Variants in RAB27A observed in about 807,000 individuals in gnomAD.
The protein encoded by RAB27A is ras-related protein Rab-27A.
Under a neutral mutation model 20.8 loss-of-function variants are expected in RAB27A, and 17 were observed. The observed-to-expected ratio is 0.82, with a 90% CI of 0.56 to 1.23. The LOEUF is 1.23. Among genes scored for constraint, RAB27A ranks in the 50% most tolerant of loss-of-function variants. RAB27A has a pLI of 0.00. For synonymous variants in RAB27A, 85 were observed against 92.8 expected, an observed-to-expected ratio of 0.92 and a Z score of 0.48; for missense variants, 277 against 266.7, an observed-to-expected ratio of 1.04 and a Z score of -0.27.
At chr15:55,290,359 G>C (rs1044446464), upstream of RAB27A, 1 of 152,236 alleles carries the variant, frequency 6.6e-6, no homozygotes, top group Non-Finnish European at 1.5e-5. Context: ...GGTCGGCCTG[G>C]ACACGGCGTT....
chr15:55,228,907 G>A (rs936256626), intron 4 of RAB27A, among the ~76,000 whole-genome samples, 195 bp from the exon 5 acceptor site: 4 of 152,144 alleles, frequency 2.6e-5, no homozygotes, highest in African/African-American at 7.2e-5. Flanking sequence ...TTTGAAAACC[G>A]AGGCTGCTGG....
intron 2 of RAB27A, among the ~76,000 whole-genome samples, chr15:55,300,186 TACTC>T (rs1440180227): frequency 6.6e-6 from 1 of 152,290 alleles, no homozygotes; most frequent in South Asian, 2.1e-4. Context: ...AGGAATGAAA[TACTC>T]AGGAACAAAA....
intron 2 of RAB27A, among the ~76,000 whole-genome samples, chr15:55,304,994 C>T (rs531856321): frequency 9.7e-4 from 148 of 152,312 alleles, no homozygotes; most frequent in African/African-American, 3.4e-3. Flanking sequence ...CAATCATTGT[C>T]CTTCCCACTG....
At chr15:55,305,787 G>A (rs550313849) in intron 2 of RAB27A, among the ~76,000 whole-genome samples, 11 of 152,204 alleles carry the variant, frequency 7.2e-5, no homozygotes, top group African/African-American at 1.4e-4. Context: ...GATCTTGCTC[G>A]GTGACCAGGG....
intron 2 of RAB27A, among the ~76,000 whole-genome samples, chr15:55,312,203 G>A (rs559532379): frequency 6.6e-6 from 1 of 152,308 alleles, no homozygotes; most frequent in Non-Finnish European, 1.5e-5. Context: ...TGCTGGATCC[G>A]GAGGGATGGA....
At chr15:55,258,066 CAA>C (rs553999609) in intron 2 of RAB27A, among the ~76,000 whole-genome samples, 9 of 61,964 alleles carry the variant, frequency 1.5e-4, no homozygotes, top group Admixed American at 3.2e-4. Flanking sequence ...GACTCAGTCT[CAA>C]AAAAAAAAAA....
chr15:55,228,472 AAAAACCTTG>A, intron 5 of RAB27A, 128 bp downstream of exon 5: 1 of 718,120 alleles, frequency 1.4e-6, no homozygotes, highest in Non-Finnish European at 2.4e-6. Flanking sequence ...TCCCTAAACT[AAAAACCTTG>A]CTCCTTAAAA....
At chr15:55,230,581 A>C in intron 3 of RAB27A, 95 bp from the exon 4 acceptor site, 1 of 964,584 alleles carries the variant, frequency 1.0e-6, no homozygotes, top group Non-Finnish European at 1.6e-6. Flanking sequence ...AAAGGCATCT[A>C]AAATTCCAAA....
chr15:55,214,179 G>A (rs1322933973), intron 6 of RAB27A, among the ~76,000 whole-genome samples: 1 of 152,228 alleles, frequency 6.6e-6, no homozygotes, highest in Non-Finnish European at 1.5e-5. Context: ...GCTGATGCCT[G>A]TAATCCCAGC....
intron 2 of RAB27A, chr15:55,237,222 C>A (rs546922485): frequency 6.6e-6 from 1 of 152,122 alleles, no homozygotes; most frequent in Non-Finnish European, 1.5e-5. Flanking sequence ...AGGACTATTT[C>A]TATATATCCA....
At chr15:55,222,523 G>C (rs1041522226) in intron 6 of RAB27A, among the ~76,000 whole-genome samples, 12 of 152,136 alleles carry the variant, frequency 7.9e-5, no homozygotes, top group Admixed American at 7.2e-4. Context: ...AAGGCTTTCA[G>C]CAACTCCCTG....
chr15:55,315,764 G>GT (rs2141148411), intron 1 of RAB27A, among the ~76,000 whole-genome samples: 1 of 152,314 alleles, frequency 6.6e-6, no homozygotes, highest in African/African-American at 2.4e-5. Context: ...ACAGATGCTG[G>GT]TGAGGCTGTG....
intron 2 of RAB27A, among the ~76,000 whole-genome samples, chr15:55,244,355 A>G (rs1896608692): frequency 6.6e-6 from 1 of 151,992 alleles, no homozygotes; most frequent in Admixed American, 6.6e-5. Context: ...AAAAAAACAC[A>G]TAAAGCTCAG....
At chr15:55,257,790 C>T (rs4774757) in intron 2 of RAB27A, among the ~76,000 whole-genome samples, 160 of 152,088 alleles carry the variant, frequency 1.1e-3, no homozygotes, top group South Asian at 8.3e-3. Flanking sequence ...GTCAAGAGAT[C>T]GAGACCAGCC....
chr15:55,216,373 A>T (rs184697163), intron 6 of RAB27A, among the ~76,000 whole-genome samples: 45 of 152,202 alleles, frequency 3.0e-4, no homozygotes, highest in African/African-American at 1.1e-3. Context: ...TCTCTACTAA[A>T]AACACAAAAA....
intron 5 of RAB27A, among the ~76,000 whole-genome samples, chr15:55,226,507 A>T (rs1257456975): frequency 2.2e-5 from 3 of 135,174 alleles, no homozygotes; most frequent in Admixed American, 1.5e-4. Flanking sequence ...ATTTTTATGT[A>T]TTTGTGTGTG....
chr15:55,243,645 T>C (rs1896578992), intron 2 of RAB27A, among the ~76,000 whole-genome samples: 3 of 151,848 alleles, frequency 2.0e-5, no homozygotes, highest in Non-Finnish European at 4.4e-5. Context: ...AAAAACATTA[T>C]TTTCTCTGAC....
intron 2 of RAB27A, among the ~76,000 whole-genome samples, chr15:55,312,633 G>A (rs998199097): frequency 3.8e-4 from 57 of 151,666 alleles, no homozygotes; most frequent in Non-Finnish European, 7.4e-4. Flanking sequence ...TGTTTTCAAC[G>A]AATGCAATAT....
intron 2 of RAB27A, among the ~76,000 whole-genome samples, chr15:55,268,793 G>A (rs1371260753): frequency 2.0e-5 from 3 of 152,164 alleles, no homozygotes; most frequent in African/African-American, 7.2e-5. Context: ...TTTCAGACAT[G>A]TCGGTTATGG....
Sources: allele counts gnomAD v4.1 joint callset (sites outside exome capture counted in the v4.1 genomes callset), GRCh38; gene constraint gnomAD v4.1.1; transcripts MANE v1.5; gene names NCBI Gene and HGNC (gene_info 2026-07-23, HGNC 2026-07-21).